The following ZC3H13 variants were observed in gnomAD, a reference collection of about 807,000 sequenced individuals.
ZC3H13 encodes zinc finger CCCH domain-containing protein 13.
A neutral mutation model predicts 204.1 loss-of-function variants in ZC3H13; 64 were observed. The ratio of observed to expected loss-of-function variants is 0.31; its 90% confidence interval spans 0.26 to 0.39. The LOEUF (loss-of-function observed/expected upper bound fraction) is 0.39. Among genes scored for constraint, ZC3H13 ranks in the 10% least tolerant of loss-of-function variants. The pLI is 1.00. For synonymous variants in ZC3H13, 667 were observed against 693.7 expected (o/e 0.96, Z 0.60); for missense variants, 1,833 against 2,082.7 (o/e 0.88, Z 2.33).
In ZC3H13 at chr13:45,985,242, G is replaced by A; in HGVS notation, c.1720+55C>T. 3.5e-6 allele frequency: 5 copies of A among 1,432,606 alleles called. No homozygotes were observed. The South Asian group carries it at 7.3e-5, about 21-fold the overall frequency. The allele number at this position is 1,432,606 out of a possible 1,614,324, so 88.7% of individuals were successfully genotyped here. A position where few individuals can be genotyped will look rare whatever the true frequency, so the allele number is the denominator to read the frequency against. Reference sequence around the variant, plus strand: ...AGAAACAACATATTAGAAATCTTAGGAGATTTTATACTTTCTATATAAGAT... The same window carrying A: ...AGAAACAACATATTAGAAATCTTAGAAGATTTTATACTTTCTATATAAGAT... On this transcript the variant is annotated intron_variant, in intron 10 of 18. Coordinates refer to ENST00000679008, the MANE Select transcript of ZC3H13 (RefSeq NM_001330564.2).
chr13:46,024,589 CTA>C (rs1424876440), intron 4 of ZC3H13, among the ~76,000 whole-genome samples: 3 of 152,104 alleles, frequency 2.0e-5, no homozygotes, highest in African/African-American at 7.2e-5. Context: ...AGGATTTTCT[CTA>C]TGTCTCTGAT....
In ZC3H13 at chr13:45,965,364, G is replaced by T. The variant is rs1951996510; in HGVS notation, c.4390C>A (p.Pro1464Thr). The T allele has an allele frequency of 2.5e-6, 4 of 1,613,376 alleles. No homozygotes were observed. Among genetic ancestry groups the T allele is most frequent in the Non-Finnish European group, 3.4e-6 (4 of 1,179,648 alleles). ...TCATCTAGTTCGTCATCACTGATTG[G>T]CTCGTATCCTTCTCCAGCACCAGAG... ...LGSGAGEGYEPISDDELDEIL... is the reference protein window; with the variant it reads ...LGSGAGEGYETISDDELDEIL... Residue 1464 changes from proline to threonine, a missense_variant, in exon 16 of 19, where the codon CCA (proline) becomes ACA (threonine). Physicochemically the swap from Pro to Thr is conservative, Grantham distance 38. Transcript: ENST00000679008.
chr13:46,024,331 TA>T (rs1401280308), intron 4 of ZC3H13, among the ~76,000 whole-genome samples: 12 of 152,248 alleles, frequency 7.9e-5, no homozygotes, highest in Non-Finnish European at 4.4e-5. Context: ...TCCTGATGTA[TA>T]TCCTTTTAAA....
chr13:45,980,400 C>A (rs1448213565), intron 10 of ZC3H13, among the ~76,000 whole-genome samples: 1 of 151,964 alleles, frequency 6.6e-6, no homozygotes, highest in Non-Finnish European at 1.5e-5. Flanking sequence ...GAAAACATTC[C>A]AACATAGAAC....
Position 45,975,582 on chromosome 13 carries a change from T to C in ZC3H13, c.2169A>G (p.Arg723=), listed in dbSNP as rs1386864388. Residue 723 remains arginine (R), a synonymous_variant, in exon 12 of 19, where the codon AGA becomes AGG. Transcript: ENST00000679008. ...CTCGGTCTCTATCCCTTTCACGATC[T>C]CTCTCTTTTTCTCTTTCTCTCTCCC... ...REREREREKE[R]DRERDRDRDH... 1.3e-6 allele frequency: 2 copies of C among 1,569,376 alleles called. No individual in the cohort carries two copies. The highest frequency in any genetic ancestry group is 3.8e-5 in the Admixed American group (2 of 52,336).
At chr13:46,006,577 C>T (rs1694473800) in intron 7 of ZC3H13, among the ~76,000 whole-genome samples, 1 of 150,506 alleles carries the variant, frequency 6.6e-6, no homozygotes, top group South Asian at 2.1e-4. Context: ...CCTTTTCATA[C>T]ATCTGGTGAG....
chr13:45,982,798 A>AAAAAAC (rs1953765820), intron 10 of ZC3H13, among the ~76,000 whole-genome samples: 1 of 152,226 alleles, frequency 6.6e-6, no homozygotes, highest in African/African-American at 2.4e-5. Flanking sequence ...TAGAAAAAAC[A>AAAAAAC]AAAAACAAAA....
In ZC3H13 at chr13:46,042,172, G is replaced by A; in HGVS notation, c.331C>T (p.Pro111Ser). Residue 111 changes from proline (P) to serine (S), a missense_variant, in exon 4 of 19, where the codon CCT becomes TCT. Pro to Ser is a moderately conservative substitution (Grantham distance 74). Transcript: ENST00000679008. ...QKRNTEESSS[P>S]VRKESSRGRH... The stretch of plus-strand genomic sequence containing the variant: ...GGGAAATTCAATCCTACCCTAACAG[G>A]TGAGGATGACTCCTCTGTATTTCGT... 1 of 1,611,366 alleles carries A rather than the reference G, an allele frequency of 6.2e-7. No homozygotes were observed. Among genetic ancestry groups the A allele is most frequent in the Non-Finnish European group, 8.5e-7 (1 of 1,177,776 alleles).
At chr13:46,017,716 A>G (rs1482029242) in intron 5 of ZC3H13, among the ~76,000 whole-genome samples, 1 of 152,130 alleles carries the variant, frequency 6.6e-6, no homozygotes, top group African/African-American at 2.4e-5. Flanking sequence ...TAAATATACC[A>G]ATTTTTTCTG....
At chr13:45,966,907 C>T (rs1952136795) in intron 15 of ZC3H13, among the ~76,000 whole-genome samples, 1 of 152,100 alleles carries the variant, frequency 6.6e-6, no homozygotes, top group African/African-American at 2.4e-5. Context: ...CATGAGTCAG[C>T]TTGTCTAGTA....
At chr13:45,984,369 A>C (rs939564664) in intron 10 of ZC3H13, among the ~76,000 whole-genome samples, 2 of 152,226 alleles carry the variant, frequency 1.3e-5, no homozygotes, top group African/African-American at 4.8e-5. Flanking sequence ...AACCATGTAA[A>C]TACATAATTT....
chr13:45,965,469 T>C (rs185631965), intron 15 of ZC3H13, 37 bp from the exon 16 acceptor site: 3 of 1,603,606 alleles, frequency 1.9e-6, no homozygotes, highest in Non-Finnish European at 2.6e-6. Context: ...AAAGACAACA[T>C]TAAAGGGAGA....
At chr13:46,014,273 T>C (rs4417456) in intron 5 of ZC3H13, among the ~76,000 whole-genome samples, 38,005 of 151,840 alleles carry the variant, frequency 0.25, 5,153 homozygotes, top group South Asian at 0.32. Context: ...TAGGTACAGG[T>C]TGATGTACCT....
Position 45,958,806 on chromosome 13 carries a change from C to T in ZC3H13, c.4839+677G>A, listed in dbSNP as rs541330211. Among the ~76,000 whole-genome samples, 7 of 152,230 alleles carry T rather than the reference C, an allele frequency of 4.6e-5. No individual in the cohort carries two copies. In the South Asian group the frequency reaches 8.3e-4, roughly 18 times the overall value. On this transcript the variant is annotated intron_variant, in intron 18 of 18. Transcript: ENST00000679008. ...AATAGCTGGGACTACAGATGCCCGCCACCATGCCCGGCTAATTTTTTGTAT... is the reference window on the plus strand; with the variant it reads ...AATAGCTGGGACTACAGATGCCCGCTACCATGCCCGGCTAATTTTTTGTAT...
At chr13:46,017,403 A>G in intron 5 of ZC3H13, among the ~76,000 whole-genome samples, 1 of 152,160 alleles carries the variant, frequency 6.6e-6, no homozygotes, top group East Asian at 1.9e-4. Flanking sequence ...GGTGGAATGT[A>G]GAAGCAGGTA....
chr13:46,028,589 A>C (rs530132319), intron 4 of ZC3H13, among the ~76,000 whole-genome samples: 80 of 152,362 alleles, frequency 5.3e-4, no homozygotes, highest in Non-Finnish European at 9.7e-4. Flanking sequence ...CAAATGTAAA[A>C]GAAATCATAC....
intron 4 of ZC3H13, among the ~76,000 whole-genome samples, chr13:46,040,039 A>G (rs1464167852): frequency 6.6e-6 from 1 of 152,188 alleles, no homozygotes; most frequent in Non-Finnish European, 1.5e-5. Context: ...GCCCCAACCC[A>G]GAAATTCTGA....
chr13:46,024,532 G>T (rs1486504340), intron 4 of ZC3H13, among the ~76,000 whole-genome samples: 1 of 151,976 alleles, frequency 6.6e-6, no homozygotes, highest in African/African-American at 2.4e-5. Flanking sequence ...ATGTCATCCT[G>T]TTGCTTCTTT....
At chr13:46,034,110 T>C (rs61953354) in intron 4 of ZC3H13, among the ~76,000 whole-genome samples, 3 of 152,108 alleles carry the variant, frequency 2.0e-5, no homozygotes, top group African/African-American at 4.8e-5. Context: ...TTAAAACTAC[T>C]ATATACCCAC....
Sources: allele counts gnomAD v4.1 joint callset (sites outside exome capture counted in the v4.1 genomes callset), GRCh38; gene constraint gnomAD v4.1.1; transcripts MANE v1.5; gene names NCBI Gene and HGNC (gene_info 2026-07-23, HGNC 2026-07-21).